STK38L: variants seen among roughly 807,000 people sequenced by gnomAD.
STK38L encodes the protein serine/threonine-protein kinase 38-like.
In STK38L, 28 loss-of-function variants were observed where a neutral mutation model predicts 59.7. That is an observed-to-expected ratio of 0.47 (90% confidence interval 0.35 to 0.64). The LOEUF is 0.64. STK38L is among the 30% of genes least tolerant of loss of function. The probability of loss-of-function intolerance (pLI) is 0.01; values close to 1 mark genes in which losing one functional copy is unlikely to be tolerated. For missense variants in STK38L, 314 were observed against 555.8 expected, an observed-to-expected ratio of 0.56 and a Z score of 4.37; for synonymous variants, 162 against 176.8, an observed-to-expected ratio of 0.92 and a Z score of 0.66.
chr12:27,244,566 G>T (rs531996529), intron 1 of STK38L, among the ~76,000 whole-genome samples: 1 of 152,308 alleles, frequency 6.6e-6, no homozygotes, highest in South Asian at 2.1e-4. Flanking sequence ...ACCCGGGGAG[G>T]AATCTTTGTC....
At chr12:27,305,376 G>A (rs1026805004) in intron 3 of STK38L, among the ~76,000 whole-genome samples, 6 of 152,106 alleles carry the variant, frequency 3.9e-5, no homozygotes, top group African/African-American at 1.4e-4. Context: ...ATAAAAAATA[G>A]TCAGTGGCCC....
chr12:27,320,926 A>G (rs1265345160), intron 12 of STK38L, among the ~76,000 whole-genome samples: 2 of 151,882 alleles, frequency 1.3e-5, no homozygotes, highest in Admixed American at 1.3e-4. Flanking sequence ...ACTATGCTGT[A>G]TAATACTATA....
At chr12:27,263,747 T>G (rs1254716825) in intron 1 of STK38L, among the ~76,000 whole-genome samples, 2 of 152,192 alleles carry the variant, frequency 1.3e-5, no homozygotes, top group Admixed American at 6.5e-5. Flanking sequence ...CTGAGTACTT[T>G]GGGGGACAGA....
intron 2 of STK38L, 122 bp downstream of exon 2, chr12:27,297,976 T>C: frequency 1.6e-6 from 2 of 1,224,708 alleles, no homozygotes; most frequent in Non-Finnish European, 2.3e-6. Context: ...TGTTTTTGAG[T>C]TTCCTGTACT....
At chr12:27,251,395 G>A (rs1942972718) in intron 1 of STK38L, among the ~76,000 whole-genome samples, 1 of 152,164 alleles carries the variant, frequency 6.6e-6, no homozygotes, top group African/African-American at 2.4e-5. Flanking sequence ...TGTGGTCTAG[G>A]CAGTGAGGGT....
chr12:27,268,071 C>T (rs186084936), intron 1 of STK38L, among the ~76,000 whole-genome samples: 1 of 152,194 alleles, frequency 6.6e-6, no homozygotes, highest in Non-Finnish European at 1.5e-5. Flanking sequence ...TTATGTGTTA[C>T]AATTATCTTC....
chr12:27,250,531 A>G (rs571943640), intron 1 of STK38L, among the ~76,000 whole-genome samples: 1 of 152,292 alleles, frequency 6.6e-6, no homozygotes, highest in East Asian at 1.9e-4. Context: ...GTAACCACTT[A>G]TCCCTTACTA....
chr12:27,270,086 G>T (rs565198626), intron 1 of STK38L, among the ~76,000 whole-genome samples: 1 of 152,142 alleles, frequency 6.6e-6, no homozygotes, highest in Non-Finnish European at 1.5e-5. Flanking sequence ...TTGTCTCTCC[G>T]AATGTACTGG....
rs148072817 is a variant in STK38L, at chr12:27,280,040, C to T, written c.-11-17670C>T. On this transcript the variant is annotated intron_variant, in intron 1 of 13. Transcript: ENST00000389032. Reference sequence around the variant, plus strand: ...ACTGTAAAGATCAAAGAACAGCATGCGTGCCAAACCTTTAGTACTGTAGCT... The same window carrying T: ...ACTGTAAAGATCAAAGAACAGCATGTGTGCCAAACCTTTAGTACTGTAGCT... Among the ~76,000 whole-genome samples the T allele has an allele frequency of 2.8e-3, 421 of 152,140 alleles. 3 individuals are homozygous for T. The highest frequency in any genetic ancestry group is 4.7e-3 in the Non-Finnish European group (318 of 67,972).
rs750674981 is a variant in STK38L at position 27,319,433 on chromosome 12, T to C, written c.1175+10T>C. 1.1e-5 allele frequency: 17 copies of C among 1,600,736 alleles called. No homozygotes were observed. Among genetic ancestry groups the C allele is most frequent in the Admixed American group, 1.7e-5 (1 of 58,664 alleles). On this transcript the variant is annotated intron_variant, in intron 12 of 13. Transcript: ENST00000389032. ...ACTGGGAGCACATAAGGTATGTTCC[T>C]AGGCTTTGAATGGGAAAGGTCTGAG...
chr12:27,302,310 T>G (rs988355182), intron 3 of STK38L, 122 bp downstream of exon 3: 11 of 725,432 alleles, frequency 1.5e-5, no homozygotes, highest in Non-Finnish European at 1.5e-5. Flanking sequence ...GGCTTCTTTG[T>G]TGCTGTCATG....
intron 1 of STK38L, among the ~76,000 whole-genome samples, chr12:27,287,915 CTCTGTCATCCA>C (rs1334662100): frequency 6.6e-6 from 1 of 152,176 alleles, no homozygotes; most frequent in Non-Finnish European, 1.5e-5. Flanking sequence ...CAGAGTCTCG[CTCTGTCATCCA>C]GGCAGGAGCG....
At position 27,244,292 on chromosome 12, in the gene STK38L, C is replaced by A. The variant is rs762135033; in HGVS notation, c.-52C>A. 3.3e-5 allele frequency: 5 copies of A among 152,264 alleles called. No homozygotes were observed. Among genetic ancestry groups the A allele is most frequent in the African/African-American group, 4.8e-5 (2 of 41,466 alleles). 9.4% of individuals were successfully genotyped at this position (152,264 alleles called of 1,614,324 possible). A position where few individuals can be genotyped will look rare whatever the true frequency, so the allele number is the denominator to read the frequency against. On this transcript the variant is annotated 5_prime_UTR_variant, in exon 1 of 14. Transcript: ENST00000389032. ...GACGGGCGCCCGGCCGGCTGCGGTC[C>A]GTGCGGAGGCTGAGCCGGCCGCGGG...
intron 1 of STK38L, among the ~76,000 whole-genome samples, chr12:27,252,783 T>G (rs1346170285): frequency 1.3e-5 from 2 of 152,236 alleles, no homozygotes; most frequent in Admixed American, 1.3e-4. Context: ...TTCTTGATAC[T>G]GGCAAATCCT....
intron 1 of STK38L, among the ~76,000 whole-genome samples, chr12:27,274,194 G>A (rs914530565): frequency 6.8e-6 from 1 of 146,672 alleles, no homozygotes; most frequent in Non-Finnish European, 1.5e-5. Context: ...CCAAGAGCGC[G>A]CCACTGCACT....
intron 1 of STK38L, among the ~76,000 whole-genome samples, chr12:27,294,314 G>A (rs1190645300): frequency 6.6e-6 from 1 of 152,068 alleles, no homozygotes; most frequent in Non-Finnish European, 1.5e-5. Flanking sequence ...GAGGTCAGGA[G>A]TTCGAGACCA....
chr12:27,313,121 G>A (rs1262583360), intron 6 of STK38L, among the ~76,000 whole-genome samples: 6 of 151,962 alleles, frequency 3.9e-5, no homozygotes, highest in Admixed American at 1.3e-4. Flanking sequence ...AGTGGCGGGC[G>A]CCTGTAGTCC....
At chr12:27,293,133 A>C (rs1285093595) in intron 1 of STK38L, among the ~76,000 whole-genome samples, 1 of 152,094 alleles carries the variant, frequency 6.6e-6, no homozygotes, top group Non-Finnish European at 1.5e-5. Context: ...TTATACGGTT[A>C]ATGCAGACAA....
intron 1 of STK38L, among the ~76,000 whole-genome samples, chr12:27,277,411 C>T (rs991100052): frequency 4.6e-5 from 7 of 151,860 alleles, no homozygotes; most frequent in African/African-American, 1.5e-4. Context: ...CACACACACA[C>T]ACACACACAC....
Sources: allele counts gnomAD v4.1 joint callset (sites outside exome capture counted in the v4.1 genomes callset), GRCh38; gene constraint gnomAD v4.1.1; transcripts MANE v1.5; gene names NCBI Gene and HGNC (gene_info 2026-07-23, HGNC 2026-07-21).